The following LRRC56 variants were observed in gnomAD, a reference collection of about 807,000 sequenced individuals.
LRRC56 encodes leucine-rich repeat-containing protein 56.
Under a neutral mutation model 47.8 loss-of-function variants are expected in LRRC56, and 41 were observed. That is an observed-to-expected ratio of 0.86 (90% confidence interval 0.67 to 1.11). The LOEUF is 1.11. LRRC56 is among the 50% of genes most tolerant of loss of function. The probability of loss-of-function intolerance (pLI) is 0.00; values close to 1 mark genes in which losing one functional copy is unlikely to be tolerated. For missense variants in LRRC56, 759 were observed against 704.2 expected (o/e 1.08, Z -0.88); for synonymous variants, 387 against 311.2 (o/e 1.24, Z -2.56).
chr11:511,414 C>T, the LRRC56 span, among the ~76,000 whole-genome samples: 16 of 151,890 alleles, frequency 1.1e-4, no homozygotes, highest in Non-Finnish European at 2.2e-4. Context: ...CAGGTTCATA[C>T]GTGAGTGGTT....
At chr11:510,897 A>T in the LRRC56 span, among the ~76,000 whole-genome samples, 1 of 152,040 alleles carries the variant, frequency 6.6e-6, no homozygotes, top group Non-Finnish European at 1.5e-5. Flanking sequence ...TGACAGAGTG[A>T]ACCATGTCTC....
the LRRC56 span, among the ~76,000 whole-genome samples, chr11:526,811 C>G: frequency 6.6e-6 from 1 of 151,978 alleles, no homozygotes; most frequent in Admixed American, 6.6e-5. Flanking sequence ...GTGGTGGGCA[C>G]CAGTAGTCCC....
At chr11:549,201 G>T (rs1253648679) in intron 6 of LRRC56, among the ~76,000 whole-genome samples, 1 of 152,248 alleles carries the variant, frequency 6.6e-6, no homozygotes, top group African/African-American at 2.4e-5. Context: ...AGCCCTGGAG[G>T]AATCTGTGGC....
At chr11:526,079 T>C in the LRRC56 span, among the ~76,000 whole-genome samples, 19 of 149,804 alleles carry the variant, frequency 1.3e-4, no homozygotes, top group East Asian at 1.4e-3. Flanking sequence ...TGGTGGCAGG[T>C]GCCTGTAGTC....
At chr11:535,391 C>T (rs1178486973), upstream of LRRC56, 1 of 146,944 alleles carries the variant, frequency 6.8e-6, no homozygotes, top group African/African-American at 2.4e-5. Context: ...GGCGCGCGGC[C>T]CGGCCGATCC....
chr11:549,963 G>A lies in LRRC56; in HGVS notation c.388G>A (p.Asp130Asn), dbSNP rs1241989971. The A allele has an allele frequency of 6.2e-7, 1 of 1,612,816 alleles. No individual in the cohort carries two copies. The highest frequency in any genetic ancestry group is 8.5e-7 in the Non-Finnish European group (1 of 1,179,888). The change falls in exon 7 of 14, where the codon GAC (aspartate) becomes AAC (asparagine). Residue 130 changes from aspartate to asparagine, a missense_variant. Asp to Asn is a conservative substitution (Grantham distance 23). Coordinates refer to ENST00000270115, the MANE Select transcript of LRRC56 (RefSeq NM_198075.4). ...GTGGCTGGCTCGCTGTGGCCTCGCT[G>A]ACCTGGATGGCATCGCCTCTTTGCC... ...VLWLARCGLA[D>N]LDGIASLPAL... is the part of the protein sequence containing the mutation.
chr11:518,171 A>T, the LRRC56 span, among the ~76,000 whole-genome samples: 1 of 152,078 alleles, frequency 6.6e-6, no homozygotes, highest in South Asian at 2.1e-4. Flanking sequence ...AATAAATAAA[A>T]AATAATAATA....
chr11:510,042 A>C, the LRRC56 span, among the ~76,000 whole-genome samples: 3 of 151,672 alleles, frequency 2.0e-5, no homozygotes, highest in Admixed American at 2.0e-4. Flanking sequence ...ATCCTGCTCC[A>C]CACAGATCTG....
At chr11:531,204 AGT>A in the LRRC56 span, among the ~76,000 whole-genome samples, 13 of 151,882 alleles carry the variant, frequency 8.6e-5, no homozygotes, top group African/African-American at 1.5e-4. Flanking sequence ...GAGAAGGGCG[AGT>A]GTGGTATTCC....
chr11:536,203 C>G (rs765103351), upstream of LRRC56, among the ~76,000 whole-genome samples: 3 of 152,232 alleles, frequency 2.0e-5, no homozygotes, highest in Non-Finnish European at 4.4e-5. Context: ...GCCCTGGGGC[C>G]AGGCGTGAGA....
upstream of LRRC56, chr11:535,306 C>CGCTGCCGCCGCT (rs1007825297): frequency 6.8e-6 from 1 of 146,208 alleles, no homozygotes; most frequent in Non-Finnish European, 1.5e-5. Flanking sequence ...CCGCCGCCGC[C>CGCTGCCGCCGCT]GCCGCCGCTT....
chr11:542,202 ACACCCACGCCAG>A (rs1851827899), intron 5 of LRRC56, among the ~76,000 whole-genome samples: 1 of 145,132 alleles, frequency 6.9e-6, no homozygotes. Context: ...AGTGCCCCAC[ACACCCACGCCAG>A]TACCCCCGGC....
Position 540,817 on chromosome 11 carries a change from C to A in LRRC56, c.133C>A (p.Leu45Ile). 1 of 1,595,822 alleles carries A rather than the reference C, an allele frequency of 6.3e-7. No homozygotes were observed. The part of the protein sequence containing the change: ...SKGPGSQRDR[L>I]GEQLVEEYLS... ...GGGCCCTGGCAGTCAGAGGGACAGACTTGGAGAGCAGCTGGTGGAAGAGTA... is the reference window on the plus strand; with the variant it reads ...GGGCCCTGGCAGTCAGAGGGACAGAATTGGAGAGCAGCTGGTGGAAGAGTA... Residue 45 changes from leucine (L) to isoleucine (I), a missense_variant, in exon 4 of 14, where the codon CTT (leucine) becomes ATT (isoleucine). Coordinates refer to ENST00000270115, the MANE Select transcript of LRRC56 (RefSeq NM_198075.4).
chr11:537,564 G>A lies in LRRC56; in HGVS notation c.-463G>A, dbSNP rs1471055117. 6.6e-6 allele frequency: 1 copy of A among 152,336 alleles called. No individual in the cohort carries two copies. Among genetic ancestry groups the A allele is most frequent in the Non-Finnish European group, 1.5e-5 (1 of 68,108 alleles). 9.4% of individuals were successfully genotyped at this position (152,336 alleles called of 1,614,324 possible). A position where few individuals can be genotyped will look rare whatever the true frequency, so the allele number is the denominator to read the frequency against. On this transcript the variant is annotated 5_prime_UTR_variant, in exon 1 of 14. Transcript: ENST00000270115. The stretch of plus-strand genomic sequence containing the variant: ...AGCGCCTGGAGGTGGAGGGCGCCCA[G>A]GGCCGAGCTGCCAGGGCCGGACACC...
At chr11:515,221 C>G in the LRRC56 span, among the ~76,000 whole-genome samples, 80 of 152,190 alleles carry the variant, frequency 5.3e-4, no homozygotes, top group African/African-American at 1.9e-3. Context: ...GCTCCGGAGA[C>G]ACGAATGATG....
chr11:549,729 G>A (rs1852275043), intron 6 of LRRC56, among the ~76,000 whole-genome samples, 173 bp from the exon 7 acceptor site: 1 of 152,232 alleles, frequency 6.6e-6, no homozygotes, highest in Non-Finnish European at 1.5e-5. Context: ...GGAGAAGGTG[G>A]GGGACACTGT....
intron 5 of LRRC56, among the ~76,000 whole-genome samples, chr11:542,583 A>AAAAAAAAAAAAAAAAAAAAAAAAAAC (rs1564799172): frequency 6.9e-6 from 1 of 144,302 alleles, no homozygotes; most frequent in African/African-American, 2.6e-5. Flanking sequence ...CCTGTCGCAA[A>AAAAAAAAAAAAAAAAAAAAAAAAAAC]AAAAAAAAAA....
At position 552,547 on chromosome 11, in the gene LRRC56, T is replaced by C. The variant is rs3740652; in HGVS notation, c.1182-22T>C. On this transcript the variant is annotated intron_variant, in intron 12 of 13. Coordinates refer to ENST00000270115, the MANE Select transcript of LRRC56 (RefSeq NM_198075.4). ...CCGTGGGGGGATCAGGGCTGGAGCT[T>C]CTCCTCCTCTCCCCACCCTAGCCCC... is the stretch of plus-strand genomic sequence containing the variant. The C allele has an allele frequency of 0.93, 1,466,990 of 1,576,784 alleles. 683,626 individuals carry two copies. Among genetic ancestry groups the C allele is most frequent in the East Asian group, 0.97 (42,198 of 43,680 alleles).
upstream of LRRC56, chr11:533,860 C>T (rs2133990837): frequency 1.9e-6 from 3 of 1,613,334 alleles, no homozygotes; most frequent in Non-Finnish European, 2.5e-6. Flanking sequence ...TCCCGCATGG[C>T]GCTGTACTCC....
Sources: allele counts gnomAD v4.1 joint callset (sites outside exome capture counted in the v4.1 genomes callset), GRCh38; gene constraint gnomAD v4.1.1; transcripts MANE v1.5; gene names NCBI Gene and HGNC (gene_info 2026-07-23, HGNC 2026-07-21).